Variants in PRMT3 observed in about 807,000 individuals in gnomAD.
PRMT3 encodes the protein protein arginine methyltransferase 3.
A neutral mutation model predicts 71.9 loss-of-function variants in PRMT3; 62 were observed. The observed-to-expected ratio is 0.86, with a 90% confidence interval of 0.70 to 1.07. PRMT3 has a LOEUF of 1.07. Among genes scored for constraint, PRMT3 ranks in the 50% least tolerant of loss-of-function variants. PRMT3 has a pLI of 0.00. For synonymous variants in PRMT3, 213 were observed against 220.4 expected, an observed-to-expected ratio of 0.97 and a Z score of 0.30; for missense variants, 663 against 643.0, an observed-to-expected ratio of 1.03 and a Z score of -0.34.
intron 13 of PRMT3, 149 bp downstream of exon 13, chr11:20,464,695 C>G (rs1024293858): frequency 1.6e-6 from 2 of 1,266,968 alleles, no homozygotes; most frequent in Non-Finnish European, 2.1e-6. Context: ...TTGAACAGAT[C>G]TGGTTAATAG....
At chr11:20,475,510 A>G (rs1353287597) in intron 13 of PRMT3, among the ~76,000 whole-genome samples, 1 of 152,090 alleles carries the variant, frequency 6.6e-6, no homozygotes, top group African/African-American at 2.4e-5. Flanking sequence ...TTATGTGACC[A>G]CCATTGTATA....
At chr11:20,472,805 C>T (rs1850680648) in intron 13 of PRMT3, among the ~76,000 whole-genome samples, 1 of 117,672 alleles carries the variant, frequency 8.5e-6, no homozygotes. Context: ...ACCAGCTCCT[C>T]TTTGTACCTC....
At chr11:20,391,098 T>G (rs1281232578) in intron 3 of PRMT3, among the ~76,000 whole-genome samples, 1 of 151,518 alleles carries the variant, frequency 6.6e-6, no homozygotes, top group Non-Finnish European at 1.5e-5. Flanking sequence ...TGTTGACAAC[T>G]AAGAAGGGAC....
intron 15 of PRMT3, among the ~76,000 whole-genome samples, chr11:20,495,193 T>C (rs919652135): frequency 6.6e-6 from 1 of 152,140 alleles, no homozygotes; most frequent in African/African-American, 2.4e-5. Flanking sequence ...TTTTTGTATT[T>C]TTAGTAGAGA....
chr11:20,504,705 T>TGAGAGAGAGAGAGA (rs1376738536), intron 15 of PRMT3, among the ~76,000 whole-genome samples: 1 of 109,360 alleles, frequency 9.1e-6, no homozygotes, highest in Non-Finnish European at 1.8e-5. Context: ...TGTGTGTGTG[T>TGAGAGAGAGAGAGA]GTGAGAGAGA....
At chr11:20,418,725 A>G (rs774066325) in intron 9 of PRMT3, among the ~76,000 whole-genome samples, 1 of 152,220 alleles carries the variant, frequency 6.6e-6, no homozygotes. Context: ...ACAAGCAACT[A>G]TAGCAATTTC....
chr11:20,500,928 G>A (rs991167884), intron 15 of PRMT3, among the ~76,000 whole-genome samples: 1 of 151,984 alleles, frequency 6.6e-6, no homozygotes, highest in East Asian at 1.9e-4. Flanking sequence ...AAACTCCTAT[G>A]TCCCTTTGCA....
At chr11:20,401,085 CAG>C (rs1480955558) in intron 7 of PRMT3, among the ~76,000 whole-genome samples, 1 of 151,544 alleles carries the variant, frequency 6.6e-6, no homozygotes, top group East Asian at 1.9e-4. Flanking sequence ...CAAACAAAAA[CAG>C]ATTTATATAT....
intron 13 of PRMT3, among the ~76,000 whole-genome samples, chr11:20,475,099 A>G (rs1850747944): frequency 6.6e-6 from 1 of 152,252 alleles, no homozygotes; most frequent in Non-Finnish European, 1.5e-5. Context: ...TGGTTAAGGT[A>G]CAAGGACATA....
rs547086610 is a variant in PRMT3, at chr11:20,430,443, A to G, written c.993+3578A>G. Among the ~76,000 whole-genome samples the G allele has an allele frequency of 3.3e-5, 5 of 152,262 alleles. No homozygotes were observed. In the East Asian group the frequency reaches 9.6e-4, roughly 29 times the overall value. On this transcript the variant is annotated intron_variant, in intron 10 of 15. Transcript: ENST00000331079. ...TCATGAATTTTTGTCTTTATTTTGG[A>G]AGATTTTTCTAGATAAGAATGTAAT... is the stretch of plus-strand genomic sequence containing the variant.
At chr11:20,508,167 AAAAG>A (rs1851638997) in intron 15 of PRMT3, 133 bp from the exon 16 acceptor site, 18 of 493,122 alleles carry the variant, frequency 3.7e-5, no homozygotes, top group Admixed American at 3.7e-5. Flanking sequence ...AAAAAAAAAA[AAAAG>A]AATATTAACC....
At chr11:20,447,889 A>G (rs939019237) in intron 10 of PRMT3, among the ~76,000 whole-genome samples, 4 of 152,256 alleles carry the variant, frequency 2.6e-5, no homozygotes, top group African/African-American at 4.8e-5. Context: ...GTTTTTTTCT[A>G]TGCAAACAAA....
At chr11:20,496,131 A>G (rs150586318) in intron 15 of PRMT3, among the ~76,000 whole-genome samples, 2 of 152,352 alleles carry the variant, frequency 1.3e-5, no homozygotes, top group African/African-American at 4.8e-5. Flanking sequence ...TTATAGTAGC[A>G]TGTTTTATAG....
At chr11:20,459,671 A>G (rs1421743926) in intron 11 of PRMT3, among the ~76,000 whole-genome samples, 1 of 152,196 alleles carries the variant, frequency 6.6e-6, no homozygotes, top group Non-Finnish European at 1.5e-5. Context: ...ATAATGTGGG[A>G]AAGCTTCTGT....
In PRMT3 at chr11:20,464,564, G is replaced by A. The variant is rs781062565; in HGVS notation, c.1347+18G>A. 5 of 1,604,272 alleles carry A rather than the reference G, an allele frequency of 3.1e-6. No homozygotes were observed. The African/African-American group carries it at 6.7e-5, about 22-fold the overall frequency. On this transcript the variant is annotated intron_variant, in intron 13 of 15. Coordinates refer to ENST00000331079, the MANE Select transcript of PRMT3 (RefSeq NM_005788.4). ...TGTGCACGGTAAGCTATTTCATTCT[G>A]CTTTTACAAATTTCACTAGCAGTGC...
chr11:20,505,358 G>A lies in PRMT3; in HGVS notation c.1487-2946G>A, dbSNP rs114220491. On this transcript the variant is annotated intron_variant, in intron 15 of 15. Transcript: ENST00000331079. ...ATTTTGTTATTTTTGAATCTCAAGT[G>A]TCCATTATCTGTCTTTTCATATGTG... 2.1e-3 allele frequency among the ~76,000 whole-genome samples: 316 copies of A among 152,214 alleles called. 2 individuals are homozygous for A. The highest frequency in any genetic ancestry group is 7.1e-3 in the African/African-American group (296 of 41,530).
intron 10 of PRMT3, among the ~76,000 whole-genome samples, chr11:20,444,508 G>T (rs1438958384): frequency 3.9e-5 from 6 of 152,026 alleles, no homozygotes; most frequent in Non-Finnish European, 7.4e-5. Flanking sequence ...TTCTGCTTTG[G>T]TCCATGGATT....
Position 20,494,174 on chromosome 11 carries a change from T to C in PRMT3, c.1406T>C (p.Phe469Ser), listed in dbSNP as rs768548392. The C allele has an allele frequency of 6.2e-7, 1 of 1,606,538 alleles. No homozygotes were observed. The highest frequency in any genetic ancestry group is 8.5e-7 in the Non-Finnish European group (1 of 1,173,386). ...TGAACTTTACCAATTCAGGTCGTGT[T>C]CTCTACGGGCCCTCAGAGCACCAAA... ...FEKNCHNRVV[F>S]STGPQSTKTH... is the part of the protein sequence containing the mutation. Residue 469 changes from phenylalanine to serine, a missense_variant, in exon 15 of 16, where the codon TTC becomes TCC. Physicochemically the swap from Phe to Ser is radical, Grantham distance 155 (BLOSUM62 -2). Transcript: ENST00000331079.
At chr11:20,480,555 G>GT (rs978884248) in intron 13 of PRMT3, among the ~76,000 whole-genome samples, 5 of 152,236 alleles carry the variant, frequency 3.3e-5, no homozygotes, top group Admixed American at 6.5e-5. Flanking sequence ...TAAGTAGAGT[G>GT]TTGTGATCAG....
Sources: gnomAD v4.1 joint callset for allele counts (sites outside exome capture counted in the v4.1 genomes callset) on GRCh38, gnomAD v4.1.1 for gene constraint, MANE v1.5 for transcripts, NCBI Gene and HGNC (gene_info 2026-07-23, HGNC 2026-07-21) for gene names.